Variants in LEPR observed in about 807,000 individuals in gnomAD.
LEPR encodes leptin receptor.
A neutral mutation model predicts 114.7 loss-of-function variants in LEPR; 56 were observed. That is an observed-to-expected ratio of 0.49 (90% confidence interval 0.39 to 0.61). LEPR has a LOEUF of 0.61. Among genes scored for constraint, LEPR ranks in the 20% least tolerant of loss-of-function variants. The probability of loss-of-function intolerance (pLI) is 0.00; values close to 1 mark genes in which losing one functional copy is unlikely to be tolerated. For synonymous variants in LEPR, 443 were observed against 461.4 expected (o/e 0.96, Z 0.51); for missense variants, 1,202 against 1,352.9 (o/e 0.89, Z 1.75).
intron 2 of LEPR, among the ~76,000 whole-genome samples, chr1:65,474,224 A>G (rs1386192005): frequency 9.9e-5 from 15 of 152,176 alleles, no homozygotes; most frequent in Non-Finnish European, 2.9e-5. Context: ...ATGATTCTGT[A>G]CATCTCCTGA....
chr1:65,529,683 T>C (rs1388607139), intron 2 of LEPR, among the ~76,000 whole-genome samples: 1 of 152,200 alleles, frequency 6.6e-6, no homozygotes, highest in Non-Finnish European at 1.5e-5. Context: ...CAAGGTCTAC[T>C]ACTGTCAAGT....
At chr1:65,527,069 T>C (rs774535279) in intron 2 of LEPR, among the ~76,000 whole-genome samples, 4 of 152,198 alleles carry the variant, frequency 2.6e-5, no homozygotes, top group Non-Finnish European at 5.9e-5. Context: ...GCAACAAAAA[T>C]ACATGGCTTT....
intron 2 of LEPR, among the ~76,000 whole-genome samples, chr1:65,446,989 G>A (rs1341619635): frequency 6.6e-6 from 1 of 151,920 alleles, no homozygotes; most frequent in Non-Finnish European, 1.5e-5. Flanking sequence ...CCACCACCAT[G>A]CCTGGCTAAT....
intron 2 of LEPR, among the ~76,000 whole-genome samples, chr1:65,518,457 T>C (rs1230309963): frequency 6.6e-6 from 1 of 152,194 alleles, no homozygotes; most frequent in East Asian, 1.9e-4. Context: ...TCTGAGGTAA[T>C]AGCAAAAGTG....
chr1:65,534,174 G>T (rs1284888648), intron 2 of LEPR, among the ~76,000 whole-genome samples: 1 of 151,802 alleles, frequency 6.6e-6, no homozygotes, highest in Non-Finnish European at 1.5e-5. Context: ...CATAATTCTG[G>T]TTATTTTCTT....
At chr1:65,490,983 CTGGATGCCCA>C (rs1272877591) in intron 2 of LEPR, among the ~76,000 whole-genome samples, 1 of 152,124 alleles carries the variant, frequency 6.6e-6, no homozygotes, top group Admixed American at 6.6e-5. Flanking sequence ...GCTGAGGAAT[CTGGATGCCCA>C]TGGATTTTTA....
chr1:65,555,322 G>T (rs1367615125), intron 2 of LEPR, among the ~76,000 whole-genome samples: 1 of 152,226 alleles, frequency 6.6e-6, no homozygotes, highest in Non-Finnish European at 1.5e-5. Context: ...GTCAACTTCA[G>T]CAATCAGTTT....
At chr1:65,505,242 T>C (rs74082072) in intron 2 of LEPR, among the ~76,000 whole-genome samples, 19,106 of 152,214 alleles carry the variant, frequency 0.13, 1,478 homozygotes, top group African/African-American at 0.21. Flanking sequence ...GTTACACTAT[T>C]GGATATTGAG....
intron 2 of LEPR, chr1:65,525,653 T>C: frequency 1.0e-6 from 1 of 984,766 alleles, no homozygotes; most frequent in Non-Finnish European, 1.2e-6. Flanking sequence ...CCCCACGCAC[T>C]CGGCTGCCCT....
intron 2 of LEPR, among the ~76,000 whole-genome samples, chr1:65,490,861 C>T (rs976675957): frequency 1.3e-5 from 2 of 152,088 alleles, no homozygotes; most frequent in African/African-American, 2.4e-5. Flanking sequence ...TTCCTGATTG[C>T]GTTTCCCCAG....
At chr1:65,487,861 C>T (rs1326182918) in intron 2 of LEPR, among the ~76,000 whole-genome samples, 1 of 151,900 alleles carries the variant, frequency 6.6e-6, no homozygotes, top group Non-Finnish European at 1.5e-5. Flanking sequence ...AGGAACATTC[C>T]AATTCCACTC....
At chr1:65,514,057 G>A (rs1333089499) in intron 2 of LEPR, among the ~76,000 whole-genome samples, 8 of 152,144 alleles carry the variant, frequency 5.3e-5, no homozygotes, top group East Asian at 1.9e-4. Flanking sequence ...TTTAGTCCAC[G>A]TTCTGTTGTT....
At chr1:65,546,036 T>C (rs1651685579) in intron 2 of LEPR, among the ~76,000 whole-genome samples, 3 of 151,122 alleles carry the variant, frequency 2.0e-5, no homozygotes, top group Admixed American at 6.6e-5. Context: ...GGCTAGCCAG[T>C]TTTCCCAGCA....
intron 5 of LEPR, among the ~76,000 whole-genome samples, chr1:65,582,791 C>G (rs1212611687): frequency 6.6e-6 from 1 of 152,138 alleles, no homozygotes; most frequent in Non-Finnish European, 1.5e-5. Context: ...TCTGCACCAT[C>G]ATGTTTCTCT....
chr1:65,636,567 A>G lies in LEPR; in HGVS notation c.3050A>G (p.Asn1017Ser). The stretch of plus-strand genomic sequence containing the variant: ...GTCACCAAGTGCTTCTCTAGCAAAA[A>G]TTCTCCGTTGAAGGATTCTTTCTCT... Reference protein sequence around the residue: ...SSVTKCFSSKNSPLKDSFSNS... With the variant: ...SSVTKCFSSKSSPLKDSFSNS... The change falls in exon 20 of 20, where the codon AAT (asparagine) becomes AGT (serine). Residue 1017 changes from asparagine (N) to serine (S), a missense_variant. Physicochemically the swap from Asn to Ser is conservative, Grantham distance 46. Transcript: ENST00000349533. 6.2e-7 allele frequency: 1 copy of G among 1,614,118 alleles called. No homozygotes were observed. Among genetic ancestry groups the G allele is most frequent in the Non-Finnish European group, 8.5e-7 (1 of 1,180,002 alleles).
At chr1:65,574,224 T>C (rs928397292) in intron 5 of LEPR, among the ~76,000 whole-genome samples, 3 of 151,996 alleles carry the variant, frequency 2.0e-5, no homozygotes, top group Admixed American at 6.6e-5. Flanking sequence ...AATGAGAAAA[T>C]ATGTGGGCAG....
chr1:65,497,451 A>G (rs917129032), intron 2 of LEPR, among the ~76,000 whole-genome samples: 1 of 152,158 alleles, frequency 6.6e-6, no homozygotes, highest in Non-Finnish European at 1.5e-5. Flanking sequence ...TAGATTGTTC[A>G]AGGCTAGACA....
intron 2 of LEPR, among the ~76,000 whole-genome samples, chr1:65,463,072 T>C (rs1351988325): frequency 2.0e-5 from 3 of 152,242 alleles, no homozygotes; most frequent in African/African-American, 7.2e-5. Context: ...TCTTTGCCCA[T>C]GCCTATGTCC....
intron 2 of LEPR, among the ~76,000 whole-genome samples, chr1:65,552,089 G>C (rs1344596775): frequency 1.3e-5 from 2 of 152,110 alleles, no homozygotes; most frequent in Non-Finnish European, 2.9e-5. Flanking sequence ...TATGATTTCT[G>C]TTCTTTTGCA....
Sources: allele counts gnomAD v4.1 joint callset (sites outside exome capture counted in the v4.1 genomes callset), GRCh38; gene constraint gnomAD v4.1.1; transcripts MANE v1.5; gene names NCBI Gene and HGNC (gene_info 2026-07-23, HGNC 2026-07-21).